Variants in TTC6 observed in about 807,000 individuals in gnomAD.
TTC6 encodes the protein tetratricopeptide repeat protein 6.
TTC6 carries 172 observed loss-of-function variants against 210.4 expected under a neutral mutation model. The observed-to-expected ratio is 0.82, with a 90% CI of 0.72 to 0.93. TTC6 has a LOEUF of 0.93. TTC6 is among the 40% of genes least tolerant of loss of function. The pLI, the probability that TTC6 is intolerant of heterozygous loss-of-function variation, is 0.00. For synonymous variants in TTC6, 804 were observed against 819.6 expected, an observed-to-expected ratio of 0.98 and a Z score of 0.32; for missense variants, 2,414 against 2,318.1, an observed-to-expected ratio of 1.04 and a Z score of -0.85.
chr14:37,757,616 C>A (rs1347893677), intron 14 of TTC6, among the ~76,000 whole-genome samples: 1 of 152,058 alleles, frequency 6.6e-6, no homozygotes, highest in South Asian at 2.1e-4. Flanking sequence ...ATTTGTTAAT[C>A]TTAAAAAATA....
intron 14 of TTC6, among the ~76,000 whole-genome samples, chr14:37,768,628 T>C (rs1168133122): frequency 6.6e-6 from 1 of 150,516 alleles, no homozygotes; most frequent in East Asian, 2.0e-4. Flanking sequence ...ATAAGAATGC[T>C]TGTGATTTTT....
chr14:37,761,512 A>T (rs1220076436), intron 14 of TTC6, among the ~76,000 whole-genome samples: 1 of 151,982 alleles, frequency 6.6e-6, no homozygotes, highest in African/African-American at 2.4e-5. Flanking sequence ...AAGTGTACAA[A>T]ATGGAAATGT....
At chr14:37,627,738 A>G (rs999303928) in intron 1 of TTC6, among the ~76,000 whole-genome samples, 1 of 152,098 alleles carries the variant, frequency 6.6e-6, no homozygotes, top group Non-Finnish European at 1.5e-5. Context: ...AGTCTTTGCT[A>G]TTGTGAATAG....
chr14:37,696,423 A>G (rs1269425756), intron 3 of TTC6, among the ~76,000 whole-genome samples: 1 of 152,142 alleles, frequency 6.6e-6, no homozygotes, highest in Admixed American at 6.6e-5. Context: ...TATTACAAAT[A>G]CCAATAAAGA....
At chr14:37,652,788 C>T (rs1013473275) in intron 1 of TTC6, among the ~76,000 whole-genome samples, 1 of 152,160 alleles carries the variant, frequency 6.6e-6, no homozygotes, top group Non-Finnish European at 1.5e-5. Flanking sequence ...TGATTTATTG[C>T]TTTGACTAGC....
intron 20 of TTC6, among the ~76,000 whole-genome samples, chr14:37,804,098 T>A (rs887193509): frequency 2.6e-5 from 4 of 152,236 alleles, no homozygotes; most frequent in African/African-American, 9.6e-5. Flanking sequence ...TTGACTATTT[T>A]GAACTTTTTC....
At chr14:37,792,545 T>A in intron 17 of TTC6, 131 bp downstream of exon 19, 2 of 672,530 alleles carry the variant, frequency 3.0e-6, no homozygotes, top group African/African-American at 1.9e-5. Context: ...AACAATGTGT[T>A]AAGCTGGTAG....
intron 14 of TTC6, among the ~76,000 whole-genome samples, chr14:37,771,351 A>G (rs11156967): frequency 0.84 from 127,280 of 151,408 alleles, 54,025 homozygotes; most frequent in Non-Finnish European, 0.9. Context: ...ACGTTGGCCT[A>G]CCTTGCTAGA....
chr14:37,661,145 A>T (rs1488845115), intron 1 of TTC6, among the ~76,000 whole-genome samples: 2 of 151,948 alleles, frequency 1.3e-5, no homozygotes, highest in African/African-American at 4.8e-5. Context: ...TTGCCTGTTC[A>T]CTCTGATGAC....
chr14:37,721,847 C>CATATATATATATAT lies in TTC6; in HGVS notation c.1714-3034_1714-3021dup, dbSNP rs35265224. ...CATGCTTTGGCACTGTGAGTTTCAC[C>CATATATATATATAT]ATATATATATATATATATATATATA... is the stretch of plus-strand genomic sequence containing the variant. On this transcript the variant is annotated intron_variant, in intron 6 of 30. Transcript: ENST00000553443. Among the ~76,000 whole-genome samples, 1,015 of 117,202 alleles carry CATATATATATATAT rather than the reference C, an allele frequency of 8.7e-3. 15 individuals are homozygous for CATATATATATATAT. Among genetic ancestry groups the CATATATATATATAT allele is most frequent in the South Asian group, 0.015 (48 of 3,240 alleles). 76.9% of individuals were successfully genotyped at this position (117,202 alleles called of 152,430 possible).
At chr14:37,661,240 CT>C (rs2095736738) in intron 1 of TTC6, among the ~76,000 whole-genome samples, 1 of 152,102 alleles carries the variant, frequency 6.6e-6, no homozygotes, top group Admixed American at 6.6e-5. Context: ...CTTTTCATGT[CT>C]TTGCCATACA....
At chr14:37,833,687 A>G (rs895032202) in intron 29 of TTC6, among the ~76,000 whole-genome samples, 2 of 151,438 alleles carry the variant, frequency 1.3e-5, no homozygotes, top group Non-Finnish European at 2.9e-5. Flanking sequence ...TTTCTTTCTT[A>G]TTGCTTATCT....
chr14:37,702,696 G>A (rs1433498790), intron 5 of TTC6, among the ~76,000 whole-genome samples: 1 of 152,068 alleles, frequency 6.6e-6, no homozygotes, highest in Non-Finnish European at 1.5e-5. Context: ...CACTTTTAAT[G>A]ACACTATCAC....
intron 22 of TTC6, among the ~76,000 whole-genome samples, chr14:37,806,770 G>A (rs562425889): frequency 1.3e-5 from 2 of 152,136 alleles, no homozygotes; most frequent in African/African-American, 4.8e-5. Flanking sequence ...ATAATTTAAA[G>A]TTTATATACT....
At chr14:37,605,898 T>G (rs1345996756) in intron 1 of TTC6, among the ~76,000 whole-genome samples, 5 of 144,614 alleles carry the variant, frequency 3.5e-5, no homozygotes, top group East Asian at 1.9e-4. Context: ...TTCACAGGTT[T>G]TTTTTTTTTT....
At chr14:37,765,467 C>T (rs1308434792) in intron 14 of TTC6, among the ~76,000 whole-genome samples, 2 of 152,042 alleles carry the variant, frequency 1.3e-5, no homozygotes, top group African/African-American at 2.4e-5. Flanking sequence ...AGACATGAGC[C>T]ACTGCACCCT....
chr14:37,817,101 C>A (rs1381918848), intron 25 of TTC6, among the ~76,000 whole-genome samples: 4 of 152,176 alleles, frequency 2.6e-5, no homozygotes, highest in Admixed American at 2.0e-4. Flanking sequence ...GGAGCAGCCC[C>A]AGCTCATCCA....
At chr14:37,596,649 G>C (rs1309247016) in intron 1 of TTC6, among the ~76,000 whole-genome samples, 1 of 152,236 alleles carries the variant, frequency 6.6e-6, no homozygotes, top group Non-Finnish European at 1.5e-5. Flanking sequence ...ATGTGTGACT[G>C]TGTGTGTTTC....
chr14:37,758,478 G>A (rs2095974462), intron 14 of TTC6, among the ~76,000 whole-genome samples: 1 of 152,130 alleles, frequency 6.6e-6, no homozygotes, highest in African/African-American at 2.4e-5. Context: ...TTTATTTAAA[G>A]TCTGTTTTAT....
Sources: gnomAD v4.1 joint callset for allele counts (sites outside exome capture counted in the v4.1 genomes callset) on GRCh38, gnomAD v4.1.1 for gene constraint, MANE v1.5 for transcripts, NCBI Gene and HGNC (gene_info 2026-07-23, HGNC 2026-07-21) for gene names.